BPTF: variants seen among roughly 807,000 people sequenced by gnomAD.
The protein encoded by BPTF is nucleosome-remodeling factor subunit BPTF.
In BPTF, 18 loss-of-function variants were observed where a neutral mutation model predicts 292.5. The observed-to-expected ratio is 0.06, with a 90% CI of 0.04 to 0.09. The LOEUF (loss-of-function observed/expected upper bound fraction) is 0.09. BPTF is among the 10% of genes least tolerant of loss of function. The pLI is 1.00. For missense variants in BPTF, 2,726 were observed against 3,498.7 expected (o/e 0.78, Z 5.57); for synonymous variants, 1,225 against 1,251.9 (o/e 0.98, Z 0.45).
At chr17:67,899,265 A>C (rs1267207621) in intron 7 of BPTF, among the ~76,000 whole-genome samples, 2 of 152,220 alleles carry the variant, frequency 1.3e-5, no homozygotes, top group African/African-American at 2.4e-5. Flanking sequence ...CAGGAAGTAC[A>C]GAGCCAGCCG....
At chr17:67,836,968 C>T (rs1391862755) in intron 1 of BPTF, among the ~76,000 whole-genome samples, 1 of 152,072 alleles carries the variant, frequency 6.6e-6, no homozygotes, top group Non-Finnish European at 1.5e-5. Context: ...GGAAGATTAC[C>T]TTCTTCCAGG....
intron 7 of BPTF, among the ~76,000 whole-genome samples, chr17:67,901,960 C>A (rs761009133): frequency 6.6e-6 from 1 of 152,162 alleles, no homozygotes; most frequent in Non-Finnish European, 1.5e-5. Flanking sequence ...AGCAAAACAC[C>A]ACAAAACCCT....
intron 16 of BPTF, 70 bp downstream of exon 16, chr17:67,928,671 G>A (rs2064116692): frequency 2.0e-6 from 3 of 1,469,746 alleles, no homozygotes; most frequent in Non-Finnish European, 2.7e-6. Context: ...TTTAGCTACT[G>A]AAATGAAACA....
chr17:67,963,753 A>T (rs1267697574), intron 24 of BPTF, among the ~76,000 whole-genome samples: 1 of 152,192 alleles, frequency 6.6e-6, no homozygotes, highest in Non-Finnish European at 1.5e-5. Context: ...ATTCTTCAAT[A>T]TGTAACATAG....
chr17:67,888,451 A>G (rs748716691), intron 4 of BPTF, among the ~76,000 whole-genome samples: 1 of 151,960 alleles, frequency 6.6e-6, no homozygotes, highest in Non-Finnish European at 1.5e-5. Context: ...CTAGCCGGGC[A>G]TGGTGGTGTG....
chr17:67,925,974 A>G lies in BPTF; in HGVS notation c.5751+1385A>G, dbSNP rs1288540197. On this transcript the variant is annotated intron_variant, in intron 15 of 27. Transcript: ENST00000306378. ...TTGGGTGTGTTTTCTCATCTCTGCA[A>G]TGTAACCTAACATATTACTTTTTTT... Among the ~76,000 whole-genome samples the G allele has an allele frequency of 2.1e-5, 3 of 143,558 alleles. No homozygotes were observed. In the Admixed American group the frequency reaches 2.1e-4, roughly 10 times the overall value. The allele number at this position is 143,558 out of a possible 152,430, so 94.2% of individuals were successfully genotyped here.
intron 1 of BPTF, among the ~76,000 whole-genome samples, chr17:67,835,683 T>TTG (rs1409525075): frequency 1.3e-5 from 2 of 151,132 alleles, no homozygotes; most frequent in East Asian, 3.9e-4. Flanking sequence ...TTTTTTTTTT[T>TTG]GAGACGGAGT....
intron 7 of BPTF, among the ~76,000 whole-genome samples, chr17:67,895,168 A>G (rs975468207): frequency 7.9e-5 from 12 of 152,124 alleles, no homozygotes; most frequent in East Asian, 3.9e-4. Context: ...AGACCGAGGT[A>G]CTAAAAACAC....
chr17:67,887,674 A>C (rs1168012205), intron 4 of BPTF, among the ~76,000 whole-genome samples: 1 of 152,218 alleles, frequency 6.6e-6, no homozygotes, highest in Non-Finnish European at 1.5e-5. Flanking sequence ...GTGAAGAGGG[A>C]ATTTAATTAG....
Position 67,922,930 on chromosome 17 carries a change from T to C in BPTF, c.5648T>C (p.Ile1883Thr), listed in dbSNP as rs752021524. ...ETPKQTGPVIIETWVAEEELE... is the reference protein window; with the variant it reads ...ETPKQTGPVITETWVAEEELE... ...CCCAAGCAAACTGGCCCTGTTATTA[T>C]TGAAACCTGGGTAGCAGAAGAAGAA... is the stretch of plus-strand genomic sequence containing the variant. The change falls in exon 14 of 28, where the codon ATT becomes ACT. Residue 1883 changes from isoleucine (I) to threonine (T), a missense_variant. Ile to Thr is a moderately conservative substitution (Grantham distance 89). Around this residue, in one of 22 missense-constraint regions of BPTF, gnomAD observed 198 missense variants for 277.1 expected, o/e 0.71. Transcript: ENST00000306378. 5.6e-6 allele frequency: 9 copies of C among 1,614,116 alleles called. No homozygotes were observed. Among genetic ancestry groups the C allele is most frequent in the South Asian group, 5.5e-5 (5 of 91,062 alleles).
rs1409343610 is a variant in BPTF at position 67,983,856 on chromosome 17, A to G, written c.*1568A>G. On this transcript the variant is annotated 3_prime_UTR_variant, in exon 28 of 28. Coordinates refer to ENST00000306378, the MANE Select transcript of BPTF (RefSeq NM_182641.4). Reference sequence around the variant, plus strand: ...TCCCAGACCTCAGTTTCTTAAAAGAAAGATGTTGCTACAGTTCCCGATTCT... The same window carrying G: ...TCCCAGACCTCAGTTTCTTAAAAGAGAGATGTTGCTACAGTTCCCGATTCT... 1.6e-4 allele frequency: 25 copies of G among 152,662 alleles called. No homozygotes were observed. Among genetic ancestry groups the G allele is most frequent in the Admixed American group, 1.6e-3 (24 of 15,282 alleles). The allele number at this position is 152,662 out of a possible 1,614,324, so 9.5% of individuals were successfully genotyped here.
At chr17:67,842,118 G>T (rs78222435) in intron 1 of BPTF, among the ~76,000 whole-genome samples, 1,719 of 151,978 alleles carry the variant, frequency 0.011, 26 homozygotes, top group African/African-American at 0.039. Flanking sequence ...TTGTACATAT[G>T]TGTATATATC....
At chr17:67,877,802 G>A (rs1471280758) in intron 4 of BPTF, among the ~76,000 whole-genome samples, 1 of 151,976 alleles carries the variant, frequency 6.6e-6, no homozygotes, top group Non-Finnish European at 1.5e-5. Context: ...TATTTATTTA[G>A]TAAACAAGTA....
intron 7 of BPTF, among the ~76,000 whole-genome samples, chr17:67,901,238 A>G (rs926290796): frequency 6.6e-6 from 1 of 151,904 alleles, no homozygotes; most frequent in African/African-American, 2.4e-5. Context: ...AAGGGAAAGC[A>G]TGTTTGGGAA....
intron 16 of BPTF, 80 bp from the exon 17 acceptor site, chr17:67,929,255 GT>G: frequency 6.4e-7 from 1 of 1,559,750 alleles, no homozygotes; most frequent in African/African-American, 1.4e-5. Context: ...GCCACACGTA[GT>G]TTCTCCTCAG....
At chr17:67,859,736 G>A (rs1198572562) in intron 2 of BPTF, among the ~76,000 whole-genome samples, 3 of 152,174 alleles carry the variant, frequency 2.0e-5, no homozygotes, top group African/African-American at 7.2e-5. Context: ...TCTGCAGTGA[G>A]TATTTATGAA....
rs546225675 is a variant in BPTF at position 67,908,978 on chromosome 17, G to C, written c.2813-604G>C. ...GCCTCCTGAGTAGCTGAGATCACAG[G>C]TGTGCACCACCACACCCAGATAATT... On this transcript the variant is annotated intron_variant, in intron 9 of 27. Transcript: ENST00000306378. Among the ~76,000 whole-genome samples the C allele has an allele frequency of 1.2e-4, 18 of 151,502 alleles. No individual in the cohort carries two copies. The South Asian group carries it at 3.7e-3, about 32-fold the overall frequency.
chr17:67,903,547 GAAAT>G (rs1235242799), intron 7 of BPTF, among the ~76,000 whole-genome samples: 8 of 152,244 alleles, frequency 5.3e-5, no homozygotes, highest in African/African-American at 1.9e-4. Flanking sequence ...AAATGTTTTA[GAAAT>G]AAATCATAAT....
In BPTF at chr17:67,911,604, G is replaced by A. The variant is rs2062659212; in HGVS notation, c.3720G>A (p.Glu1240=). The A allele has an allele frequency of 6.2e-7, 1 of 1,614,020 alleles. No individual in the cohort carries two copies. The highest frequency in any genetic ancestry group is 1.3e-5 in the African/African-American group (1 of 74,902). The change falls in exon 11 of 28, where the codon GAG becomes GAA. Residue 1240 remains glutamate (E), a synonymous_variant. Transcript: ENST00000306378. ...ICKNKKPLIQ[E]ESDTIVSSSK... ...AGAACAAAAAACCGCTCATACAGGAGGAAAGTGACACCATTGTTTCTTCTT... is the reference window on the plus strand; with the variant it reads ...AGAACAAAAAACCGCTCATACAGGAAGAAAGTGACACCATTGTTTCTTCTT...
Sources: gnomAD v4.1 joint callset for allele counts (sites outside exome capture counted in the v4.1 genomes callset) on GRCh38, gnomAD v4.1.1 for gene constraint, gnomAD v4.1.1 regional missense constraint, MANE v1.5 for transcripts, NCBI Gene and HGNC (gene_info 2026-07-23, HGNC 2026-07-21) for gene names.